Variants in ARHGAP15 observed in about 807,000 individuals in gnomAD.
The protein encoded by ARHGAP15 is rho GTPase-activating protein 15.
In ARHGAP15, 51 loss-of-function variants were observed where a neutral mutation model predicts 63.7. The observed-to-expected ratio is 0.80, with a 90% CI of 0.64 to 1.01. The LOEUF (loss-of-function observed/expected upper bound fraction) is 1.01. ARHGAP15 is among the 50% of genes least tolerant of loss of function. ARHGAP15 has a pLI of 0.00. For missense variants in ARHGAP15, 560 were observed against 564.6 expected (o/e 0.99, Z 0.08); for synonymous variants, 191 against 193.8 (o/e 0.99, Z 0.12).
chr2:143,362,543 T>C (rs1479002224), intron 6 of ARHGAP15, among the ~76,000 whole-genome samples: 2 of 152,250 alleles, frequency 1.3e-5, no homozygotes, highest in Non-Finnish European at 2.9e-5. Flanking sequence ...GATGAAAATC[T>C]CTACAGTTAG....
intron 11 of ARHGAP15, among the ~76,000 whole-genome samples, chr2:143,623,390 T>G (rs1698717089): frequency 6.6e-6 from 1 of 152,198 alleles, no homozygotes; most frequent in Non-Finnish European, 1.5e-5. Flanking sequence ...CAAATATTTC[T>G]GTTGTTTCTA....
intron 9 of ARHGAP15, among the ~76,000 whole-genome samples, chr2:143,512,342 G>A (rs2104962913): frequency 1.3e-5 from 2 of 152,310 alleles, no homozygotes; most frequent in African/African-American, 4.8e-5. Flanking sequence ...CTGTGGCCAA[G>A]AAGATAAAAT....
At chr2:143,301,052 C>T (rs995736560) in intron 6 of ARHGAP15, among the ~76,000 whole-genome samples, 1 of 151,894 alleles carries the variant, frequency 6.6e-6, no homozygotes, top group African/African-American at 2.4e-5. Flanking sequence ...TTACCATCAT[C>T]TTTGCCCTTT....
At chr2:143,565,966 C>T (rs556860644) in intron 11 of ARHGAP15, among the ~76,000 whole-genome samples, 1 of 152,236 alleles carries the variant, frequency 6.6e-6, no homozygotes, top group East Asian at 1.9e-4. Context: ...TTATATAGCA[C>T]CTCTTTTCCA....
chr2:143,500,257 T>A (rs61019880), intron 9 of ARHGAP15, among the ~76,000 whole-genome samples: 11,064 of 145,538 alleles, frequency 0.076, 620 homozygotes, highest in East Asian at 0.22. Context: ...TTATATATAC[T>A]TTTTTAATAT....
intron 12 of ARHGAP15, among the ~76,000 whole-genome samples, chr2:143,656,934 G>GGTGTGTGTGTGTGTTTGTGTGTGT: frequency 6.9e-6 from 1 of 144,936 alleles, no homozygotes; most frequent in Non-Finnish European, 1.5e-5. Flanking sequence ...CAAAGTTTCT[G>GGTGTGTGTGTGTGTTTGTGTGTGT]GTGTGTGTGT....
At chr2:143,545,120 G>A (rs138572109) in intron 10 of ARHGAP15, among the ~76,000 whole-genome samples, 18 of 152,286 alleles carry the variant, frequency 1.2e-4, no homozygotes, top group African/African-American at 3.8e-4. Flanking sequence ...ACTCAAATGG[G>A]TTTGTAGAAT....
intron 12 of ARHGAP15, among the ~76,000 whole-genome samples, chr2:143,635,390 G>T (rs1680261711): frequency 1.3e-5 from 2 of 151,548 alleles, no homozygotes; most frequent in South Asian, 4.2e-4. Context: ...AATAAGAATG[G>T]ATCCTTTACC....
Position 143,658,891 on chromosome 2 carries a change from G to A in ARHGAP15, c.1138+34624G>A, listed in dbSNP as rs192420727. On this transcript the variant is annotated intron_variant, in intron 12 of 13. Coordinates refer to ENST00000295095, the MANE Select transcript of ARHGAP15 (RefSeq NM_018460.4). ...TTTGAGTTAATCACAGCTTAATCTC[G>A]AATCAGGGACTGAGTTCGGCTAATG... Among the ~76,000 whole-genome samples the A allele has an allele frequency of 4.6e-5, 7 of 152,206 alleles. No homozygotes were observed. The East Asian group carries it at 5.8e-4, about 13-fold the overall frequency.
intron 10 of ARHGAP15, among the ~76,000 whole-genome samples, chr2:143,521,486 T>G (rs966336374): frequency 1.3e-5 from 2 of 152,140 alleles, no homozygotes; most frequent in East Asian, 3.8e-4. Flanking sequence ...CTAAGTCCAA[T>G]GTTTATGCAG....
intron 11 of ARHGAP15, among the ~76,000 whole-genome samples, chr2:143,616,421 G>A (rs914458262): frequency 4.6e-5 from 7 of 152,152 alleles, no homozygotes; most frequent in Non-Finnish European, 1.0e-4. Context: ...CCTTCCAAGA[G>A]AGTAACTAAA....
At position 143,539,973 on chromosome 2, in the gene ARHGAP15, A is replaced by C. The variant is rs537555466; in HGVS notation, c.926-16435A>C. 7.9e-5 allele frequency among the ~76,000 whole-genome samples: 12 copies of C among 152,242 alleles called. No homozygotes were observed. In the South Asian group the frequency reaches 8.3e-4, roughly 11 times the overall value. On this transcript the variant is annotated intron_variant, in intron 10 of 13. Coordinates refer to ENST00000295095, the MANE Select transcript of ARHGAP15 (RefSeq NM_018460.4). Reference sequence around the variant, plus strand: ...TCTCGTTGATCTGTCTAATGTTGACAGTGGGGTGTTAAAATCTCCCATTAT... The same window carrying C: ...TCTCGTTGATCTGTCTAATGTTGACCGTGGGGTGTTAAAATCTCCCATTAT...
At chr2:143,638,687 TAA>T (rs201447356) in intron 12 of ARHGAP15, among the ~76,000 whole-genome samples, 294 of 132,330 alleles carry the variant, frequency 2.2e-3, no homozygotes, top group African/African-American at 7.3e-3. Flanking sequence ...AAAAAAATAT[TAA>T]AAAAAAAAAA....
chr2:143,367,941 C>A (rs1686367292), intron 6 of ARHGAP15, among the ~76,000 whole-genome samples: 1 of 151,946 alleles, frequency 6.6e-6, no homozygotes, highest in South Asian at 2.1e-4. Context: ...AATTTATTTA[C>A]CTGAGGTCAG....
At chr2:143,516,380 C>A (rs144737188) in intron 9 of ARHGAP15, among the ~76,000 whole-genome samples, 195 of 152,264 alleles carry the variant, frequency 1.3e-3, no homozygotes, top group African/African-American at 4.6e-3. Context: ...TCTCTCTCTC[C>A]CACCCTCTGT....
chr2:143,137,046 C>T (rs1053549152), intron 1 of ARHGAP15, among the ~76,000 whole-genome samples: 2 of 152,062 alleles, frequency 1.3e-5, no homozygotes, highest in African/African-American at 2.4e-5. Context: ...AAGAGTTCAA[C>T]CATGCAAACT....
At chr2:143,362,984 G>T (rs192969712) in intron 6 of ARHGAP15, among the ~76,000 whole-genome samples, 13 of 152,196 alleles carry the variant, frequency 8.5e-5, no homozygotes, top group Admixed American at 5.2e-4. Context: ...TTGCCAGAAT[G>T]ATCTTTTAAA....
chr2:143,254,525 G>A (rs1161110468), intron 6 of ARHGAP15, among the ~76,000 whole-genome samples: 1 of 151,982 alleles, frequency 6.6e-6, no homozygotes, highest in Non-Finnish European at 1.5e-5. Flanking sequence ...ATTTTGGAAA[G>A]CCTAGGGAAA....
intron 8 of ARHGAP15, among the ~76,000 whole-genome samples, chr2:143,442,258 G>GT (rs748680773): frequency 2.4e-4 from 36 of 152,212 alleles, no homozygotes; most frequent in Admixed American, 5.9e-4. Context: ...GACCTGGTAT[G>GT]TTTTCACAAG....
Sources: allele counts gnomAD v4.1 joint callset (sites outside exome capture counted in the v4.1 genomes callset), GRCh38; gene constraint gnomAD v4.1.1; transcripts MANE v1.5; gene names NCBI Gene and HGNC (gene_info 2026-07-23, HGNC 2026-07-21).